Variants in SLC35B3 observed in about 807,000 individuals in gnomAD.
SLC35B3 encodes the protein adenosine 3'-phospho 5'-phosphosulfate transporter 2.
Under a neutral mutation model 44.1 loss-of-function variants are expected in SLC35B3, and 35 were observed. That is an observed-to-expected ratio of 0.79 (90% confidence interval 0.61 to 1.05). The LOEUF (loss-of-function observed/expected upper bound fraction) is 1.05. Ranked by LOEUF, SLC35B3 falls within the 50% of genes least tolerant of loss-of-function variation. The pLI is 0.00. For missense variants in SLC35B3, 414 were observed against 476.4 expected (o/e 0.87, Z 1.22); for synonymous variants, 146 against 167.3 (o/e 0.87, Z 0.98).
chr6:8,413,316 A>G lies in SLC35B3; in HGVS notation c.*233T>C. 2.5e-6 allele frequency: 1 copy of G among 404,948 alleles called. No homozygotes were observed. The highest frequency in any genetic ancestry group is 4.4e-6 in the Non-Finnish European group (1 of 228,652). The allele number at this position is 404,948 out of a possible 1,614,324, so 25.1% of individuals were successfully genotyped here. ...ACTGCTAGGAATTACAGTCCTTCAT[A>G]TTGACATTTTATTGTAAAGTCTGCT... is the stretch of plus-strand genomic sequence containing the variant. On this transcript the variant is annotated 3_prime_UTR_variant, in exon 11 of 11. Transcript: ENST00000644923.
chr6:8,434,340 A>C lies in SLC35B3; in HGVS notation c.3+45T>G. The C allele has an allele frequency of 6.3e-7, 1 of 1,581,520 alleles. No individual in the cohort carries two copies. The highest frequency in any genetic ancestry group is 8.7e-7 in the Non-Finnish European group (1 of 1,152,394). On this transcript the variant is annotated intron_variant, in intron 2 of 10. Transcript: ENST00000644923. The surrounding 1 kb of genome is among the most constrained non-coding windows in gnomAD (Gnocchi z 6.3). ...CATTAACCTGAAAAAACGTGATTTT[A>C]ACTATACTTTGCCACACTCAACGTT... is the stretch of plus-strand genomic sequence containing the variant.
intron 4 of SLC35B3, among the ~76,000 whole-genome samples, chr6:8,424,631 C>A (rs1346700674): frequency 1.3e-5 from 2 of 152,100 alleles, no homozygotes; most frequent in Non-Finnish European, 2.9e-5. Flanking sequence ...GAAACTTATA[C>A]TAATTAATAA....
At chr6:8,424,479 C>T (rs142050432) in intron 4 of SLC35B3, among the ~76,000 whole-genome samples, 84 of 152,222 alleles carry the variant, frequency 5.5e-4, no homozygotes, top group African/African-American at 1.8e-3. Flanking sequence ...AGGCTGGTCT[C>T]GAACTCCTAA....
chr6:8,417,837 T>C (rs1762556252), intron 7 of SLC35B3, among the ~76,000 whole-genome samples: 1 of 152,098 alleles, frequency 6.6e-6, no homozygotes, highest in Non-Finnish European at 1.5e-5. Context: ...AAGATACTTA[T>C]AAAACATAAA....
intron 10 of SLC35B3, 47 bp from the exon 10 acceptor site, chr6:8,413,746 A>C (rs971002144): frequency 1.6e-6 from 2 of 1,231,320 alleles, no homozygotes; most frequent in African/African-American, 1.5e-5. Flanking sequence ...GCAAAATAAC[A>C]ATTTACTATT....
chr6:8,434,720 A>G lies in SLC35B3; in HGVS notation c.-43-290T>C, dbSNP rs567913409. Among the ~76,000 whole-genome samples the G allele has an allele frequency of 1.3e-5, 2 of 152,356 alleles. No individual in the cohort carries two copies. The highest frequency in any genetic ancestry group is 3.9e-4 in the East Asian group (2 of 5,174). On this transcript the variant is annotated intron_variant, in intron 1 of 10. Coordinates refer to ENST00000644923, the MANE Select transcript of SLC35B3 (RefSeq NM_001370476.2). This position sits in a 1 kb window ranked among gnomAD's most constrained non-coding sequence, Gnocchi z 6.3. ...TTCTAGGCTTCTGATATCCTAATGT[A>G]GAAAAAATGCAGATACTCAACACTT... is the stretch of plus-strand genomic sequence containing the variant.
At chr6:8,431,481 G>A (rs1040457946) in intron 2 of SLC35B3, among the ~76,000 whole-genome samples, 5 of 152,150 alleles carry the variant, frequency 3.3e-5, no homozygotes, top group Admixed American at 1.3e-4. Flanking sequence ...GAGGGGTCAA[G>A]GATCTGAATA....
In SLC35B3 at chr6:8,432,736, A is replaced by T. The variant is rs924092348; in HGVS notation, c.3+1649T>A. Among the ~76,000 whole-genome samples, 5 of 152,214 alleles carry T rather than the reference A, an allele frequency of 3.3e-5. No individual in the cohort carries two copies. The highest frequency in any genetic ancestry group is 1.2e-4 in the African/African-American group (5 of 41,466). ...AAAATTGCCTGGCATATGACAGTCC[A>T]TAAGTGTGTTAGCTGTCATCCTTCA... On this transcript the variant is annotated intron_variant, in intron 2 of 10. Transcript: ENST00000644923. This position sits in a 1 kb window ranked among gnomAD's most constrained non-coding sequence, Gnocchi z 4.8.
rs765264359 is a variant in SLC35B3 at position 8,419,728 on chromosome 6, A to T, written c.683-51T>A. The T allele has an allele frequency of 5.0e-6, 5 of 1,002,904 alleles. No individual in the cohort carries two copies. In the African/African-American group the frequency reaches 8.3e-5, roughly 17 times the overall value. 62.1% of individuals were successfully genotyped at this position (1,002,904 alleles called of 1,614,324 possible). On this transcript the variant is annotated intron_variant, in intron 6 of 10. Transcript: ENST00000644923. This position sits in a 1 kb window ranked among gnomAD's most constrained non-coding sequence, Gnocchi z 4.3. ...ACAAAAAAACCCTCCTTATTTAAAC[A>T]TATGAACTATAATCAAGCTTTATCA...
In SLC35B3 at chr6:8,427,156, C is replaced by T. The variant is rs186570273; in HGVS notation, c.419+781G>A. 3.3e-5 allele frequency among the ~76,000 whole-genome samples: 5 copies of T among 152,244 alleles called. No homozygotes were observed. The East Asian group carries it at 9.7e-4, about 29-fold the overall frequency. On this transcript the variant is annotated intron_variant, in intron 4 of 10. Coordinates refer to ENST00000644923, the MANE Select transcript of SLC35B3 (RefSeq NM_001370476.2). ...ACGGTTCAGAAAATTTGCAACCTGACGATGCAGTAGAAAAGAAAAACCCAT... is the reference window on the plus strand; with the variant it reads ...ACGGTTCAGAAAATTTGCAACCTGATGATGCAGTAGAAAAGAAAAACCCAT...
rs1274641474 is a variant in SLC35B3, at chr6:8,420,783, C to G, written c.620G>C (p.Ser207Thr). The change falls in exon 6 of 11, where the codon AGC becomes ACC. Residue 207 changes from serine to threonine, a missense_variant. Physicochemically the swap from Ser to Thr is moderately conservative, Grantham distance 58. Coordinates refer to ENST00000644923, the MANE Select transcript of SLC35B3 (RefSeq NM_001370476.2). The surrounding 1 kb of genome is among the most constrained non-coding windows in gnomAD (Gnocchi z 4.4). Reference sequence around the variant, plus strand: ...GAGGGTAAACCATATCAGGCCAAGGCTCATACATATGGCAGCAGACACATC... The same window carrying G: ...GAGGGTAAACCATATCAGGCCAAGGGTCATACATATGGCAGCAGACACATC... 2 of 1,613,270 alleles carry G rather than the reference C, an allele frequency of 1.2e-6. No individual in the cohort carries two copies. The highest frequency in any genetic ancestry group is 8.5e-7 in the Non-Finnish European group (1 of 1,179,360).
rs768560570 is a variant in SLC35B3, at chr6:8,420,843, C to T, written c.575-15G>A. On this transcript the variant is annotated splice_polypyrimidine_tract_variant and intron_variant, in intron 5 of 10. Coordinates refer to ENST00000644923, the MANE Select transcript of SLC35B3 (RefSeq NM_001370476.2). The surrounding 1 kb of genome is among the most constrained non-coding windows in gnomAD (Gnocchi z 4.4). The stretch of plus-strand genomic sequence containing the variant: ...ATAACGCTTTCCTGTATAAAACAAA[C>T]GTAAGTCCACTTCATTATGCAAATA... 8.2e-6 allele frequency: 13 copies of T among 1,577,850 alleles called. No individual in the cohort carries two copies. The highest frequency in any genetic ancestry group is 1.7e-4 in the Middle Eastern group (1 of 5,960).
At position 8,432,814 on chromosome 6, in the gene SLC35B3, C is replaced by G. The variant is rs1237035360; in HGVS notation, c.3+1571G>C. Among the ~76,000 whole-genome samples the G allele has an allele frequency of 2.6e-5, 4 of 152,154 alleles. No individual in the cohort carries two copies. In the East Asian group the frequency reaches 7.7e-4, roughly 29 times the overall value. On this transcript the variant is annotated intron_variant, in intron 2 of 10. Transcript: ENST00000644923. This position sits in a 1 kb window ranked among gnomAD's most constrained non-coding sequence, Gnocchi z 4.8. ...ATGGTGTGCTCAAGCTGACTCACCC[C>G]TTTGATGTGCAGCTGGAAATACAGA...
chr6:8,435,366 A>C lies in SLC35B3; in HGVS notation c.-67T>G. 1.6e-6 allele frequency: 2 copies of C among 1,288,972 alleles called. No homozygotes were observed. The highest frequency in any genetic ancestry group is 2.0e-6 in the Non-Finnish European group (2 of 988,776). 79.8% of individuals were successfully genotyped at this position (1,288,972 alleles called of 1,614,324 possible). A position where few individuals can be genotyped will look rare whatever the true frequency, so the allele number is the denominator to read the frequency against. ...ACCCCAAGGCCGGTATGTCACCCGG[A>C]AGGGTGACGGCAGCCTGCGTGGCGT... is the stretch of plus-strand genomic sequence containing the variant. On this transcript the variant is annotated 5_prime_UTR_variant, in exon 1 of 11. Transcript: ENST00000644923. The surrounding 1 kb of genome is among the most constrained non-coding windows in gnomAD (Gnocchi z 5.5).
chr6:8,432,868 T>C lies in SLC35B3; in HGVS notation c.3+1517A>G, dbSNP rs1764124053. 6.6e-6 allele frequency among the ~76,000 whole-genome samples: 1 copy of C among 152,200 alleles called. No homozygotes were observed. On this transcript the variant is annotated intron_variant, in intron 2 of 10. Coordinates refer to ENST00000644923, the MANE Select transcript of SLC35B3 (RefSeq NM_001370476.2). This position sits in a 1 kb window ranked among gnomAD's most constrained non-coding sequence, Gnocchi z 4.8. The stretch of plus-strand genomic sequence containing the variant: ...GAATTTCCAACGCTGCCTTCTCTCC[T>C]GAGATCCAGAGCTCTACGTCTAAAT...
In SLC35B3 at chr6:8,434,160, A is replaced by C. The variant is rs1452672056; in HGVS notation, c.3+225T>G. ...AAAAAGGTAGCATTTCCGGCATACAATGTATATTTAAAAATTAAAATTAGT... is the reference window on the plus strand; with the variant it reads ...AAAAAGGTAGCATTTCCGGCATACACTGTATATTTAAAAATTAAAATTAGT... On this transcript the variant is annotated intron_variant, in intron 2 of 10. Coordinates refer to ENST00000644923, the MANE Select transcript of SLC35B3 (RefSeq NM_001370476.2). The surrounding 1 kb of genome is among the most constrained non-coding windows in gnomAD (Gnocchi z 6.3). Among the ~76,000 whole-genome samples the C allele has an allele frequency of 6.6e-6, 1 of 152,068 alleles. No homozygotes were observed. Among genetic ancestry groups the C allele is most frequent in the Non-Finnish European group, 1.5e-5 (1 of 68,020 alleles).
chr6:8,423,559 TC>T (rs1451162982), intron 4 of SLC35B3, among the ~76,000 whole-genome samples: 1 of 152,180 alleles, frequency 6.6e-6, no homozygotes, highest in Admixed American at 6.5e-5. Flanking sequence ...AAACTAATAA[TC>T]TTGTCTACTG....
At chr6:8,428,418 C>T (rs190578530) in intron 3 of SLC35B3, among the ~76,000 whole-genome samples, 247 of 152,160 alleles carry the variant, frequency 1.6e-3, no homozygotes, top group Non-Finnish European at 2.5e-3. Context: ...ATCAATAAAT[C>T]AAATTGAATA....
chr6:8,434,049 T>TATATATATATATATATATATA lies in SLC35B3; in HGVS notation c.3+335_3+336insTATATATATATATATATATAT, dbSNP rs1554122963. ...TGAAACTAAAATATATATATATATA[T>TATATATATATATATATATATA]TTTAAAAATCACAGGTGTGTATAAT... is the stretch of plus-strand genomic sequence containing the variant. On this transcript the variant is annotated intron_variant, in intron 2 of 10. Transcript: ENST00000644923. The surrounding 1 kb of genome is among the most constrained non-coding windows in gnomAD (Gnocchi z 6.3). Among the ~76,000 whole-genome samples, 1 of 150,162 alleles carries TATATATATATATATATATATA rather than the reference T, an allele frequency of 6.7e-6. No homozygotes were observed. Among genetic ancestry groups the TATATATATATATATATATATA allele is most frequent in the African/African-American group, 2.5e-5 (1 of 40,804 alleles).
Sources: allele counts gnomAD v4.1 joint callset (sites outside exome capture counted in the v4.1 genomes callset), GRCh38; gene constraint gnomAD v4.1.1; non-coding constraint Gnocchi (gnomAD v3.1); transcripts MANE v1.5; gene names NCBI Gene and HGNC (gene_info 2026-07-23, HGNC 2026-07-21).